Variants in RASSF5 observed in about 807,000 individuals in gnomAD.
The protein encoded by RASSF5 is ras association domain-containing protein 5.
In RASSF5, 25 loss-of-function variants were observed where a neutral mutation model predicts 40.5. The observed-to-expected ratio is 0.62, with a 90% confidence interval of 0.45 to 0.86. RASSF5 has a LOEUF of 0.86. Ranked by LOEUF, RASSF5 falls within the 40% of genes least tolerant of loss-of-function variation. The pLI, the probability that RASSF5 is intolerant of heterozygous loss-of-function variation, is 0.00. For synonymous variants in RASSF5, 246 were observed against 252.4 expected (o/e 0.97, Z 0.24); for missense variants, 521 against 572.8 (o/e 0.91, Z 0.92).
rs572953448 is a variant in RASSF5 at position 206,560,531 on chromosome 1, A to G, written c.579+22238A>G. Reference sequence around the variant, plus strand: ...GTGCCTCCTTTGAGAGGGGCCGGGGACTTGGTTTTGAATCATACCACAGTT... The same window carrying G: ...GTGCCTCCTTTGAGAGGGGCCGGGGGCTTGGTTTTGAATCATACCACAGTT... On this transcript the variant is annotated intron_variant, in intron 2 of 5. Transcript: ENST00000579436. This position sits in a 1 kb window ranked among gnomAD's most constrained non-coding sequence, Gnocchi z 5.1. 1.3e-5 allele frequency among the ~76,000 whole-genome samples: 2 copies of G among 152,112 alleles called. No homozygotes were observed. The highest frequency in any genetic ancestry group is 2.9e-5 in the Non-Finnish European group (2 of 68,010).
intron 2 of RASSF5, among the ~76,000 whole-genome samples, chr1:206,581,626 G>C (rs1163027710): frequency 6.6e-6 from 1 of 151,622 alleles, no homozygotes; most frequent in African/African-American, 2.4e-5. Context: ...GAGAGACAGA[G>C]AGAGAGGGGG....
chr1:206,579,844 C>T lies in RASSF5; in HGVS notation c.580-3425C>T, dbSNP rs1322665721. 2.0e-5 allele frequency among the ~76,000 whole-genome samples: 3 copies of T among 152,166 alleles called. No homozygotes were observed. The highest frequency in any genetic ancestry group is 1.9e-4 in the East Asian group (1 of 5,192). On this transcript the variant is annotated intron_variant, in intron 2 of 5. Coordinates refer to ENST00000579436, the MANE Select transcript of RASSF5 (RefSeq NM_182663.4). This position sits in a 1 kb window ranked among gnomAD's most constrained non-coding sequence, Gnocchi z 4.2. Reference sequence around the variant, plus strand: ...GGTGGAAAAAGGATCCGTGAGCCCTCGTGGCTGTGGCTGGCTGGCCTAATT... The same window carrying T: ...GGTGGAAAAAGGATCCGTGAGCCCTTGTGGCTGTGGCTGGCTGGCCTAATT...
At chr1:206,572,997 A>T (rs530834716) in intron 2 of RASSF5, among the ~76,000 whole-genome samples, 1 of 152,344 alleles carries the variant, frequency 6.6e-6, no homozygotes, top group South Asian at 2.1e-4. Context: ...TGGACAAATG[A>T]CTACTGAAGA....
In RASSF5 at chr1:206,507,779, G is replaced by A; in HGVS notation, c.177G>A (p.Gly59=). The A allele has an allele frequency of 1.4e-6, 2 of 1,392,904 alleles. No homozygotes were observed. Among genetic ancestry groups the A allele is most frequent in the East Asian group, 3.1e-5 (1 of 32,692 alleles). The allele number at this position is 1,392,904 out of a possible 1,614,324, so 86.3% of individuals were successfully genotyped here. A position where few individuals can be genotyped will look rare whatever the true frequency, so the allele number is the denominator to read the frequency against. ...PLSTAPGARE[G]RSARRAARGN... ...CCACTGCGCCCGGGGCGCGCGAGGG[G>A]CGCAGCGCCCGGAGGGCTGCCCGGG... The change falls in exon 1 of 6, where the codon GGG becomes GGA. Residue 59 remains glycine (G), a synonymous_variant. Transcript: ENST00000579436.
intron 2 of RASSF5, among the ~76,000 whole-genome samples, chr1:206,561,249 G>A (rs1668131098): frequency 6.6e-6 from 1 of 152,228 alleles, no homozygotes; most frequent in Non-Finnish European, 1.5e-5. Context: ...TTTGGGTAGA[G>A]CCAGGACTAA....
chr1:206,584,370 C>A lies in RASSF5; in HGVS notation c.691-17C>A. 1 of 1,598,134 alleles carries A rather than the reference C, an allele frequency of 6.3e-7. No individual in the cohort carries two copies. Among genetic ancestry groups the A allele is most frequent in the Non-Finnish European group, 8.5e-7 (1 of 1,171,230 alleles). ...GGCGGACGGCCCTGACCCCCTGTGA[C>A]ATGCCCCCGCTGGCAGAGTGAAGAC... is the stretch of plus-strand genomic sequence containing the variant. On this transcript the variant is annotated splice_polypyrimidine_tract_variant and intron_variant, in intron 3 of 5. Coordinates refer to ENST00000579436, the MANE Select transcript of RASSF5 (RefSeq NM_182663.4). This position sits in a 1 kb window ranked among gnomAD's most constrained non-coding sequence, Gnocchi z 4.9.
In RASSF5 at chr1:206,513,390, A is replaced by G. The variant is rs1553394943; in HGVS notation, c.457+5331A>G. ...GGTGAGTATTCTTGGGTGGGTGAGT[A>G]TTTGTGGGTGTGCAAAGCATGCAAG... On this transcript the variant is annotated intron_variant, in intron 1 of 5. Coordinates refer to ENST00000579436, the MANE Select transcript of RASSF5 (RefSeq NM_182663.4). This position sits in a 1 kb window ranked among gnomAD's most constrained non-coding sequence, Gnocchi z 5.0. Among the ~76,000 whole-genome samples the G allele has an allele frequency of 6.6e-6, 1 of 152,122 alleles. No individual in the cohort carries two copies. The highest frequency in any genetic ancestry group is 2.4e-5 in the African/African-American group (1 of 41,416).
chr1:206,534,416 T>C (rs1667328788), intron 1 of RASSF5, among the ~76,000 whole-genome samples: 2 of 152,218 alleles, frequency 1.3e-5, no homozygotes, highest in Admixed American at 6.5e-5. Context: ...AAGAAATGCC[T>C]GTTCTCCCGG....
At chr1:206,530,236 T>C (rs1667201492) in intron 1 of RASSF5, among the ~76,000 whole-genome samples, 1 of 152,232 alleles carries the variant, frequency 6.6e-6, no homozygotes, top group African/African-American at 2.4e-5. Context: ...CTCTGCATAA[T>C]GTATAAGTAT....
rs782516872 is a variant in RASSF5, at chr1:206,508,004, C to T, written c.402C>T (p.Pro134=). ...CFAELVLPGG[P]GWCDLCGREV... The stretch of plus-strand genomic sequence containing the variant: ...CCGAGTTGGTGCTGCCGGGCGGCCC[C>T]GGCTGGTGTGACCTGTGCGGACGAG... The change falls in exon 1 of 6, where the codon CCC becomes CCT. Residue 134 remains proline, a synonymous_variant. Transcript: ENST00000579436. 3 of 1,501,786 alleles carry T rather than the reference C, an allele frequency of 2.0e-6. No homozygotes were observed. The highest frequency in any genetic ancestry group is 2.7e-6 in the Non-Finnish European group (3 of 1,129,468). The allele number at this position is 1,501,786 out of a possible 1,614,324, so 93.0% of individuals were successfully genotyped here.
chr1:206,548,241 A>G (rs1356628930), intron 2 of RASSF5, among the ~76,000 whole-genome samples: 1 of 152,208 alleles, frequency 6.6e-6, no homozygotes, highest in Non-Finnish European at 1.5e-5. Context: ...GGCAATGTAT[A>G]AAGAACAGAG....
At position 206,579,236 on chromosome 1, in the gene RASSF5, TA is replaced by T. The variant is rs1668774858; in HGVS notation, c.580-4032del. Among the ~76,000 whole-genome samples, 1 of 152,190 alleles carries T rather than the reference TA, an allele frequency of 6.6e-6. No homozygotes were observed. The highest frequency in any genetic ancestry group is 1.9e-4 in the East Asian group (1 of 5,202). On this transcript the variant is annotated intron_variant, in intron 2 of 5. Coordinates refer to ENST00000579436, the MANE Select transcript of RASSF5 (RefSeq NM_182663.4). The surrounding 1 kb of genome is among the most constrained non-coding windows in gnomAD (Gnocchi z 4.2). ...ACCAATGCCAGGGGCTTAATCGGAA[TA>T]GATGAATTCCATGCCAGATGCACTG...
At chr1:206,554,930 GC>G (rs1667942005) in intron 2 of RASSF5, among the ~76,000 whole-genome samples, 1 of 152,190 alleles carries the variant, frequency 6.6e-6, no homozygotes, top group Non-Finnish European at 1.5e-5. Flanking sequence ...TTCACTGACA[GC>G]TGGGACAGGG....
intron 2 of RASSF5, among the ~76,000 whole-genome samples, chr1:206,580,457 C>T (rs931457492): frequency 6.6e-6 from 1 of 152,120 alleles, no homozygotes; most frequent in African/African-American, 2.4e-5. Context: ...AACCAGACAA[C>T]GGGGTCTTTC....
intron 2 of RASSF5, among the ~76,000 whole-genome samples, chr1:206,559,196 A>G (rs1668074386): frequency 6.6e-6 from 1 of 152,170 alleles, no homozygotes; most frequent in South Asian, 2.1e-4. Flanking sequence ...CTATTTCTCT[A>G]GAGTGTTTTG....
At position 206,507,547 on chromosome 1, in the gene RASSF5, G is replaced by T; in HGVS notation, c.-56G>T. On this transcript the variant is annotated 5_prime_UTR_variant, in exon 1 of 6. Coordinates refer to ENST00000579436, the MANE Select transcript of RASSF5 (RefSeq NM_182663.4). Reference sequence around the variant, plus strand: ...CGGCCCCTTCTCTCGGGGCTGGCTCGGGAGTAGCGCAGTCGCCAAAGCCGC... The same window carrying T: ...CGGCCCCTTCTCTCGGGGCTGGCTCTGGAGTAGCGCAGTCGCCAAAGCCGC... 2 of 1,342,848 alleles carry T rather than the reference G, an allele frequency of 1.5e-6. No homozygotes were observed. The highest frequency in any genetic ancestry group is 3.1e-5 in the Admixed American group (1 of 31,798). The allele number at this position is 1,342,848 out of a possible 1,614,324, so 83.2% of individuals were successfully genotyped here. A position where few individuals can be genotyped will look rare whatever the true frequency, so the allele number is the denominator to read the frequency against.
intron 1 of RASSF5, among the ~76,000 whole-genome samples, chr1:206,536,771 C>T (rs1288389038): frequency 2.0e-5 from 3 of 152,262 alleles, no homozygotes; most frequent in East Asian, 3.9e-4. Flanking sequence ...CAGGCTGTCA[C>T]GACTCCTGCC....
rs782024454 is a variant in RASSF5 at position 206,507,780 on chromosome 1, C to A, written c.178C>A (p.Arg60Ser). The change falls in exon 1 of 6, where the codon CGC (arginine) becomes AGC (serine). Residue 60 changes from arginine (R) to serine (S), a missense_variant. Physicochemically the swap from Arg to Ser is moderately radical, Grantham distance 110 (BLOSUM62 -1). Transcript: ENST00000579436. ...CACTGCGCCCGGGGCGCGCGAGGGG[C>A]GCAGCGCCCGGAGGGCTGCCCGGGG... ...LSTAPGAREG[R>S]SARRAARGNL... 4 of 1,391,412 alleles carry A rather than the reference C, an allele frequency of 2.9e-6. No individual in the cohort carries two copies. The highest frequency in any genetic ancestry group is 7.5e-5 in the Admixed American group (2 of 26,604). 86.2% of individuals were successfully genotyped at this position (1,391,412 alleles called of 1,614,324 possible).
At position 206,560,806 on chromosome 1, in the gene RASSF5, C is replaced by T. The variant is rs1319626369; in HGVS notation, c.580-22463C>T. On this transcript the variant is annotated intron_variant, in intron 2 of 5. Coordinates refer to ENST00000579436, the MANE Select transcript of RASSF5 (RefSeq NM_182663.4). This position sits in a 1 kb window ranked among gnomAD's most constrained non-coding sequence, Gnocchi z 5.1. Reference sequence around the variant, plus strand: ...TTTGATGGACCCAAGGTTAGAACTTCCCTCTTTTGCCTCCCAGGCCAGAGA... The same window carrying T: ...TTTGATGGACCCAAGGTTAGAACTTTCCTCTTTTGCCTCCCAGGCCAGAGA... Among the ~76,000 whole-genome samples the T allele has an allele frequency of 6.6e-6, 1 of 152,198 alleles. No individual in the cohort carries two copies. The highest frequency in any genetic ancestry group is 1.5e-5 in the Non-Finnish European group (1 of 68,038).
Sources: allele counts gnomAD v4.1 joint callset (sites outside exome capture counted in the v4.1 genomes callset), GRCh38; gene constraint gnomAD v4.1.1; non-coding constraint Gnocchi (gnomAD v3.1); transcripts MANE v1.5; gene names NCBI Gene and HGNC (gene_info 2026-07-23, HGNC 2026-07-21).